ZNF69: variants seen among roughly 807,000 people sequenced by gnomAD.
The protein encoded by ZNF69 is zinc finger protein 69.
A neutral mutation model predicts 50.9 loss-of-function variants in ZNF69; 47 were observed. The ratio of observed to expected loss-of-function variants is 0.92; its 90% CI spans 0.73 to 1.18. The LOEUF (loss-of-function observed/expected upper bound fraction) is 1.18. Ranked by LOEUF, ZNF69 falls within the 50% of genes most tolerant of loss-of-function variation. ZNF69 has a pLI of 0.00. For synonymous variants in ZNF69, 216 were observed against 223.1 expected, an observed-to-expected ratio of 0.97 and a Z score of 0.29; for missense variants, 717 against 675.1, an observed-to-expected ratio of 1.06 and a Z score of -0.69.
the ZNF69 span, among the ~76,000 whole-genome samples, chr19:11,951,683 G>A: frequency 6.6e-6 from 1 of 152,066 alleles, no homozygotes; most frequent in South Asian, 2.1e-4. Flanking sequence ...AATGACTGTG[G>A]GATGTATGAG....
the ZNF69 span, among the ~76,000 whole-genome samples, chr19:11,939,507 G>A: frequency 2.0e-5 from 3 of 152,110 alleles, no homozygotes; most frequent in South Asian, 2.1e-4. Context: ...TGTTGTTTTT[G>A]TCAGGTTCGT....
the ZNF69 span, among the ~76,000 whole-genome samples, chr19:11,973,316 G>T: frequency 2.0e-5 from 3 of 152,128 alleles, 1 homozygote; most frequent in Admixed American, 2.0e-4. Context: ...TTTCAGACTT[G>T]CTTCTTTCAT....
chr19:11,906,031 C>A lies in ZNF69; in HGVS notation c.1634C>A (p.Ala545Asp). Reference protein sequence around the residue: ...KCKQCGKAFRAASVLRMHGRT... With the variant: ...KCKQCGKAFRDASVLRMHGRT... Reference sequence around the variant, plus strand: ...AAGCAATGTGGGAAAGCCTTCAGAGCTGCCTCAGTCCTTCGAATGCATGGT... The same window carrying A: ...AAGCAATGTGGGAAAGCCTTCAGAGATGCCTCAGTCCTTCGAATGCATGGT... Residue 545 changes from alanine to aspartate, a missense_variant, in exon 4 of 4, where the codon GCT becomes GAT. Transcript: ENST00000429654. 1 of 1,613,674 alleles carries A rather than the reference C, an allele frequency of 6.2e-7. No individual in the cohort carries two copies. Among genetic ancestry groups the A allele is most frequent in the South Asian group, 1.1e-5 (1 of 91,054 alleles).
the ZNF69 span, among the ~76,000 whole-genome samples, chr19:11,923,273 T>TC: frequency 7.2e-5 from 11 of 152,166 alleles, no homozygotes; most frequent in Non-Finnish European, 1.2e-4. Context: ...GTGACCCTCA[T>TC]CCCCCTCCTC....
downstream of ZNF69, among the ~76,000 whole-genome samples, chr19:11,906,891 G>T (rs2145246132): frequency 6.6e-6 from 1 of 152,288 alleles, no homozygotes; most frequent in South Asian, 2.1e-4. Context: ...GCTAAAGGAG[G>T]ATGTTCGAAC....
chr19:11,905,758 G>T lies in ZNF69; in HGVS notation c.1361G>T (p.Arg454Ile), dbSNP rs1972358960. 1 of 1,612,806 alleles carries T rather than the reference G, an allele frequency of 6.2e-7. No homozygotes were observed. The highest frequency in any genetic ancestry group is 1.3e-5 in the African/African-American group (1 of 74,582). ...YECQECGKAFRSMKNLQSHER... is the reference protein window; with the variant it reads ...YECQECGKAFISMKNLQSHER... ...TGTCAGGAATGTGGGAAAGCCTTCA[G>T]ATCTATGAAGAACCTTCAAAGTCAT... The change falls in exon 4 of 4, where the codon AGA becomes ATA. Residue 454 changes from arginine to isoleucine, a missense_variant. Transcript: ENST00000429654.
Position 11,906,676 on chromosome 19 carries a change from C to A in ZNF69, c.*578C>A, listed in dbSNP as rs1972381027. 6.6e-6 allele frequency among the ~76,000 whole-genome samples: 1 copy of A among 152,168 alleles called. No homozygotes were observed. Among genetic ancestry groups the A allele is most frequent in the Non-Finnish European group, 1.5e-5 (1 of 68,030 alleles). ...ACCACACCAAAACCCATCTGTACAT[C>A]ACCATCATCAAAGACCAAAAGTAGA... On this transcript the variant is annotated 3_prime_UTR_variant, in exon 4 of 4. Transcript: ENST00000429654.
downstream of ZNF69, among the ~76,000 whole-genome samples, chr19:11,907,943 A>G (rs1972403686): frequency 2.6e-5 from 4 of 152,228 alleles, no homozygotes; most frequent in African/African-American, 9.6e-5. Context: ...ACGTGCAGAG[A>G]CATACATAGG....
rs1451640946 is a variant in ZNF69, at chr19:11,892,233, G to T, written c.63+4247G>T. 9.3e-5 allele frequency among the ~76,000 whole-genome samples: 14 copies of T among 151,168 alleles called. 3 individuals carry two copies. The highest frequency in any genetic ancestry group is 3.2e-4 in the African/African-American group (13 of 41,092). Reference sequence around the variant, plus strand: ...GGCCTCAAACAGTCCTGCTTCCTTGGCCTCCAAAAGTGCTGCGATCACAGA... The same window carrying T: ...GGCCTCAAACAGTCCTGCTTCCTTGTCCTCCAAAAGTGCTGCGATCACAGA... On this transcript the variant is annotated intron_variant, in intron 1 of 3. Coordinates refer to ENST00000429654, the MANE Select transcript of ZNF69 (RefSeq NM_001364730.1).
the ZNF69 span, among the ~76,000 whole-genome samples, chr19:11,956,994 C>T: frequency 6.6e-6 from 1 of 152,074 alleles, no homozygotes; most frequent in African/African-American, 2.4e-5. Flanking sequence ...CAGGCAGATA[C>T]AGTACTCAGT....
chr19:11,932,173 C>A, the ZNF69 span, among the ~76,000 whole-genome samples: 5 of 146,904 alleles, frequency 3.4e-5, no homozygotes, highest in African/African-American at 1.3e-4. Flanking sequence ...GGCAACATGG[C>A]AAACCTTGTC....
the ZNF69 span, among the ~76,000 whole-genome samples, chr19:11,963,822 C>T: frequency 8.5e-5 from 13 of 152,174 alleles, no homozygotes. Flanking sequence ...CTCCACCTGT[C>T]CACATCCAGC....
chr19:11,931,926 A>T, the ZNF69 span, among the ~76,000 whole-genome samples: 7 of 147,778 alleles, frequency 4.7e-5, 2 homozygotes, highest in African/African-American at 1.9e-4. Flanking sequence ...GATCACCCTG[A>T]CGAGCATGGA....
chr19:11,936,830 T>G, the ZNF69 span, among the ~76,000 whole-genome samples: 1 of 152,228 alleles, frequency 6.6e-6, no homozygotes, highest in Non-Finnish European at 1.5e-5. Context: ...AGGTCTAACG[T>G]TTAAGTCTTA....
the ZNF69 span, chr19:11,979,245 T>C: frequency 1.9e-6 from 3 of 1,612,692 alleles, no homozygotes; most frequent in Admixed American, 1.7e-5. Flanking sequence ...TTCAGTATCA[T>C]GAAAGGACTC....
chr19:11,905,419 T>C lies in ZNF69; in HGVS notation c.1022T>C (p.Leu341Ser), dbSNP rs1235775671. 1.9e-6 allele frequency: 3 copies of C among 1,614,194 alleles called. No individual in the cohort carries two copies. The highest frequency in any genetic ancestry group is 2.5e-6 in the Non-Finnish European group (3 of 1,180,034). ...PYECTQCGKALSSLTSFQTHI... is the reference protein window; with the variant it reads ...PYECTQCGKASSSLTSFQTHI... ...GAATGTACGCAGTGTGGGAAAGCAT[T>C]ATCCTCTCTTACAAGTTTTCAAACA... The change falls in exon 4 of 4, where the codon TTA becomes TCA. Residue 341 changes from leucine (L) to serine (S), a missense_variant. Coordinates refer to ENST00000429654, the MANE Select transcript of ZNF69 (RefSeq NM_001364730.1).
intron 4 of ZNF69, among the ~76,000 whole-genome samples, chr19:11,912,914 T>C (rs1355537074): frequency 6.6e-6 from 1 of 152,184 alleles, no homozygotes; most frequent in Non-Finnish European, 1.5e-5. Context: ...GAAGCTATAA[T>C]AGTAAGGCCG....
the ZNF69 span, chr19:11,979,941 TTCAA>T: frequency 7.6e-7 from 1 of 1,310,170 alleles, no homozygotes; most frequent in African/African-American, 1.5e-5. Flanking sequence ...GCCAAGTCAT[TTCAA>T]ATACCTGAAA....
At chr19:11,920,825 C>T in the ZNF69 span, among the ~76,000 whole-genome samples, 3 of 152,172 alleles carry the variant, frequency 2.0e-5, no homozygotes, top group African/African-American at 7.2e-5. Context: ...TTATATACTA[C>T]CAGAACTTGT....
Sources: allele counts gnomAD v4.1 joint callset (sites outside exome capture counted in the v4.1 genomes callset), GRCh38; gene constraint gnomAD v4.1.1; transcripts MANE v1.5; gene names NCBI Gene and HGNC (gene_info 2026-07-23, HGNC 2026-07-21).